The following ARFGEF2 variants were observed in gnomAD, a reference collection of about 807,000 sequenced individuals.
The protein encoded by ARFGEF2 is brefeldin A-inhibited guanine nucleotide-exchange protein 2.
A neutral mutation model predicts 219.9 loss-of-function variants in ARFGEF2; 74 were observed. The observed-to-expected ratio is 0.34, with a 90% CI of 0.28 to 0.41. ARFGEF2 has a LOEUF of 0.41. Ranked by LOEUF, ARFGEF2 falls within the 10% of genes least tolerant of loss-of-function variation. The pLI, the probability that ARFGEF2 is intolerant of heterozygous loss-of-function variation, is 1.00. For missense variants in ARFGEF2, 1,743 were observed against 2,218.3 expected, an observed-to-expected ratio of 0.79 and a Z score of 4.30; for synonymous variants, 733 against 799.2, an observed-to-expected ratio of 0.92 and a Z score of 1.40.
chr20:48,956,369 A>G (rs2091105593), intron 6 of ARFGEF2, among the ~76,000 whole-genome samples: 1 of 151,982 alleles, frequency 6.6e-6, no homozygotes, highest in Non-Finnish European at 1.5e-5. Flanking sequence ...AGAATTCACC[A>G]ATAGACCTGG....
chr20:48,933,829 A>C (rs2090929460), intron 1 of ARFGEF2, among the ~76,000 whole-genome samples: 1 of 152,062 alleles, frequency 6.6e-6, no homozygotes, highest in Non-Finnish European at 1.5e-5. Flanking sequence ...ATCAAGATTC[A>C]GGGAAGTTGG....
At chr20:49,014,095 A>G in intron 30 of ARFGEF2, 135 bp downstream of exon 30, 1 of 1,168,976 alleles carries the variant, frequency 8.6e-7, no homozygotes, top group Non-Finnish European at 1.3e-6. Context: ...TTAAAAATGG[A>G]AACACCTTTC....
In ARFGEF2 at chr20:48,969,054, C is replaced by A. The variant is rs758398186; in HGVS notation, c.1060-93C>A. The A allele has an allele frequency of 1.3e-5, 18 of 1,354,768 alleles. No individual in the cohort carries two copies. In the South Asian group the frequency reaches 2.1e-4, roughly 16 times the overall value. 83.9% of individuals were successfully genotyped at this position (1,354,768 alleles called of 1,614,324 possible). A position where few individuals can be genotyped will look rare whatever the true frequency, so the allele number is the denominator to read the frequency against. On this transcript the variant is annotated intron_variant, in intron 8 of 38. Transcript: ENST00000371917. ...TGGCTTACTGCAGCCTTGACCTCCT[C>A]GGCTCAGTGGATCCTCCTGCCTCAG...
At chr20:48,992,683 T>C (rs983747944) in intron 21 of ARFGEF2, among the ~76,000 whole-genome samples, 4 of 152,228 alleles carry the variant, frequency 2.6e-5, no homozygotes, top group Admixed American at 6.5e-5. Context: ...CCGTGGCGTA[T>C]GGCTTTGCTC....
intron 5 of ARFGEF2, 39 bp downstream of exon 5, chr20:48,952,923 T>A (rs758718701): frequency 1.2e-6 from 2 of 1,604,644 alleles, no homozygotes. Context: ...CAAGACATCA[T>A]TGCTCTCTGA....
At chr20:48,954,665 C>G (rs1394067640) in intron 6 of ARFGEF2, among the ~76,000 whole-genome samples, 1 of 152,158 alleles carries the variant, frequency 6.6e-6, no homozygotes, top group Non-Finnish European at 1.5e-5. Flanking sequence ...TACCAGACTG[C>G]TTGATGTACA....
At chr20:49,017,846 C>A (rs999314529) in intron 33 of ARFGEF2, among the ~76,000 whole-genome samples, 7 of 152,196 alleles carry the variant, frequency 4.6e-5, no homozygotes, top group African/African-American at 1.2e-4. Context: ...ATAACAACAT[C>A]TGAGCATTTT....
chr20:48,974,660 T>A, intron 12 of ARFGEF2, 106 bp from the exon 13 acceptor site: 1 of 820,226 alleles, frequency 1.2e-6, no homozygotes, highest in Non-Finnish European at 2.0e-6. Context: ...GCACTGACTG[T>A]CAGTGATTTC....
intron 25 of ARFGEF2, among the ~76,000 whole-genome samples, chr20:49,003,158 G>T (rs1239520610): frequency 7.8e-6 from 1 of 128,390 alleles, no homozygotes; most frequent in Admixed American, 7.3e-5. Context: ...AGTAGAGACA[G>T]GGTTTCACCA....
rs753076476 is a variant in ARFGEF2 at position 48,971,227 on chromosome 20, A to G, written c.1298A>G (p.Lys433Arg). Residue 433 changes from lysine (K) to arginine (R), a missense_variant, in exon 10 of 39, where the codon AAG becomes AGG. Transcript: ENST00000371917. Reference protein sequence around the residue: ...RTHEMFINAIKQYLCVALSKN... With the variant: ...RTHEMFINAIRQYLCVALSKN... ...CACGAGATGTTCATCAATGCAATCA[A>G]GCAATATCTCTGTGTGGCCTTGTCC... 1 of 1,614,144 alleles carries G rather than the reference A, an allele frequency of 6.2e-7. No homozygotes were observed. The highest frequency in any genetic ancestry group is 8.5e-7 in the Non-Finnish European group (1 of 1,180,030).
chr20:49,016,377 C>A lies in ARFGEF2; in HGVS notation c.4277C>A (p.Ser1426Tyr). Residue 1426 changes from serine (S) to tyrosine (Y), a missense_variant, in exon 31 of 39, where the codon TCT (serine) becomes TAT (tyrosine). Transcript: ENST00000371917. ...GAAGCTTTGAATGAAGTTCTTCTTTCTGATGTATTTGCACAATTGCAGTGG... is the reference window on the plus strand; with the variant it reads ...GAAGCTTTGAATGAAGTTCTTCTTTATGATGTATTTGCACAATTGCAGTGG... Reference protein sequence around the residue: ...FYEALNEVLLSDVFAQLQWCV... With the variant: ...FYEALNEVLLYDVFAQLQWCV... 6.2e-7 allele frequency: 1 copy of A among 1,613,710 alleles called. No individual in the cohort carries two copies. The highest frequency in any genetic ancestry group is 8.5e-7 in the Non-Finnish European group (1 of 1,179,940).
At position 48,951,355 on chromosome 20, in the gene ARFGEF2, C is replaced by T. The variant is rs756761377; in HGVS notation, c.309C>T (p.Asn103=). 36 of 1,614,052 alleles carry T rather than the reference C, an allele frequency of 2.2e-5. No individual in the cohort carries two copies. The South Asian group carries it at 2.6e-4, about 12-fold the overall frequency. Residue 103 remains asparagine (N), a synonymous_variant, in exon 4 of 39, where the codon AAC becomes AAT. Coordinates refer to ENST00000371917, the MANE Select transcript of ARFGEF2 (RefSeq NM_006420.3). ...KLIAYGHITG[N]APDSGAPGKR... ...TCGCATACGGGCACATCACTGGCAA[C>T]GCCCCTGACAGTGGAGCCCCTGGGA...
chr20:48,937,166 C>G (rs1366503502), intron 1 of ARFGEF2, among the ~76,000 whole-genome samples: 1 of 152,180 alleles, frequency 6.6e-6, no homozygotes, highest in Admixed American at 6.5e-5. Context: ...GCTCTAAGCC[C>G]CCATTGCTGC....
intron 37 of ARFGEF2, among the ~76,000 whole-genome samples, 176 bp from the exon 38 acceptor site, chr20:49,031,873 A>G (rs1471701543): frequency 6.6e-6 from 1 of 151,858 alleles, no homozygotes; most frequent in Admixed American, 6.6e-5. Flanking sequence ...AACCTTGATC[A>G]CACCACTGCA....
At position 49,035,781 on chromosome 20, in the gene ARFGEF2, C is replaced by A; in HGVS notation, c.*2582C>A. 1.3e-5 allele frequency: 2 copies of A among 159,464 alleles called. No homozygotes were observed. Among genetic ancestry groups the A allele is most frequent in the East Asian group, 1.8e-4 (1 of 5,700 alleles). The allele number at this position is 159,464 out of a possible 1,614,324, so 9.9% of individuals were successfully genotyped here. A position where few individuals can be genotyped will look rare whatever the true frequency, so the allele number is the denominator to read the frequency against. On this transcript the variant is annotated 3_prime_UTR_variant, in exon 39 of 39. Transcript: ENST00000371917. ...ACTGCTGCTTTGAGCAATTTTGTTT[C>A]TCTTCATTGTCTGTTAGGGAAATCA...
At chr20:49,017,057 A>G (rs777529393) in intron 31 of ARFGEF2, among the ~76,000 whole-genome samples, 192 bp from the exon 32 acceptor site, 1 of 152,182 alleles carries the variant, frequency 6.6e-6, no homozygotes, top group Non-Finnish European at 1.5e-5. Context: ...CAATAAAACT[A>G]TGATAAACAA....
In ARFGEF2 at chr20:48,921,817, G is replaced by C. The variant is rs2090841572; in HGVS notation, c.-73G>C. On this transcript the variant is annotated 5_prime_UTR_variant, in exon 1 of 39. Coordinates refer to ENST00000371917, the MANE Select transcript of ARFGEF2 (RefSeq NM_006420.3). The stretch of plus-strand genomic sequence containing the variant: ...CGGCCGGTGCCGGCCGGGACGCCGG[G>C]CCCGCAGCCTAGCTCGCCATCTCGC... The C allele has an allele frequency of 7.7e-7, 1 of 1,295,530 alleles. No homozygotes were observed. Among genetic ancestry groups the C allele is most frequent in the Non-Finnish European group, 9.8e-7 (1 of 1,015,262 alleles). 80.3% of individuals were successfully genotyped at this position (1,295,530 alleles called of 1,614,324 possible). A position where few individuals can be genotyped will look rare whatever the true frequency, so the allele number is the denominator to read the frequency against.
In ARFGEF2 at chr20:48,943,303, A is replaced by G. The variant is rs555267006; in HGVS notation, c.276+1316A>G. On this transcript the variant is annotated intron_variant, in intron 3 of 38. Coordinates refer to ENST00000371917, the MANE Select transcript of ARFGEF2 (RefSeq NM_006420.3). The stretch of plus-strand genomic sequence containing the variant: ...CAGACGTATTGATTTGGGCTTATAA[A>G]TAAATTTTAGTGAGTAGGTGCATTT... Among the ~76,000 whole-genome samples, 4 of 152,344 alleles carry G rather than the reference A, an allele frequency of 2.6e-5. No homozygotes were observed. The South Asian group carries it at 8.3e-4, about 32-fold the overall frequency.
intron 36 of ARFGEF2, among the ~76,000 whole-genome samples, chr20:49,025,984 A>AG (rs2091599628): frequency 6.8e-6 from 1 of 148,102 alleles, no homozygotes; most frequent in South Asian, 2.1e-4. Flanking sequence ...TCCATCTGGA[A>AG]AAAAAAAAAA....
Sources: gnomAD v4.1 joint callset for allele counts (sites outside exome capture counted in the v4.1 genomes callset) on GRCh38, gnomAD v4.1.1 for gene constraint, MANE v1.5 for transcripts, NCBI Gene and HGNC (gene_info 2026-07-23, HGNC 2026-07-21) for gene names.